The following TMEM123 variants were observed in gnomAD, a reference collection of about 807,000 sequenced individuals.
TMEM123 encodes the protein porimin.
In TMEM123, 16 loss-of-function variants were observed where a neutral mutation model predicts 19.7. The ratio of observed to expected loss-of-function variants is 0.81; its 90% CI spans 0.55 to 1.23. TMEM123 has a LOEUF of 1.23. TMEM123 is among the 50% of genes most tolerant of loss of function. TMEM123 has a pLI of 0.00. For missense variants in TMEM123, 313 were observed against 257.8 expected (o/e 1.21, Z -1.47); for synonymous variants, 118 against 99.4 (o/e 1.19, Z -1.12).
At chr11:102,416,896 G>A (rs544146492) in intron 2 of TMEM123, among the ~76,000 whole-genome samples, 8 of 151,926 alleles carry the variant, frequency 5.3e-5, no homozygotes, top group Admixed American at 2.6e-4. Context: ...AAAAAACCAC[G>A]ATCATCTCAG....
At chr11:102,401,489 G>C (rs1408299210) in intron 4 of TMEM123, 50 bp downstream of exon 4, 8 of 1,480,346 alleles carry the variant, frequency 5.4e-6, no homozygotes, top group Non-Finnish European at 6.3e-6. Flanking sequence ...CATAATTAAA[G>C]ATGTGCACCA....
intron 2 of TMEM123, among the ~76,000 whole-genome samples, chr11:102,434,458 A>G (rs528408304): frequency 6.6e-6 from 1 of 151,968 alleles, no homozygotes; most frequent in East Asian, 1.9e-4. Flanking sequence ...TTTTCTTTCT[A>G]TAGAGTTGAG....
chr11:102,452,498 G>T, intron 1 of TMEM123, 26 bp downstream of exon 1: 1 of 1,491,662 alleles, frequency 6.7e-7, no homozygotes, highest in Non-Finnish European at 8.9e-7. Context: ...CCACGAACGG[G>T]GCTGACGACC....
chr11:102,399,382 T>C (rs1951889927), intron 4 of TMEM123, among the ~76,000 whole-genome samples: 1 of 152,180 alleles, frequency 6.6e-6, no homozygotes. Context: ...GAGGCTGAGG[T>C]TGCAGTGACC....
chr11:102,403,607 A>G (rs898923896), intron 2 of TMEM123, among the ~76,000 whole-genome samples: 4 of 152,040 alleles, frequency 2.6e-5, no homozygotes, highest in South Asian at 2.1e-4. Flanking sequence ...TTGGTTTCCT[A>G]TGTTGCCTAC....
At position 102,402,018 on chromosome 11, in the gene TMEM123, G is replaced by A. The variant is rs1766436536; in HGVS notation, c.346C>T (p.Pro116Ser). The A allele has an allele frequency of 6.2e-7, 1 of 1,614,042 alleles. No individual in the cohort carries two copies. Among genetic ancestry groups the A allele is most frequent in the Admixed American group, 1.7e-5 (1 of 60,004 alleles). ...TTCTGTGAAACACTTGTTGTTTTGG[G>A]TGTAGACTTTAAGGTGGTAGAAGTC... is the stretch of plus-strand genomic sequence containing the variant. ...NMTSTTLKST[P>S]KTTSVSQNTS... The change falls in exon 3 of 5, where the codon CCC (proline) becomes TCC (serine). Residue 116 changes from proline to serine, a missense_variant. Physicochemically the swap from Pro to Ser is moderately conservative, Grantham distance 74 (BLOSUM62 -1). Coordinates refer to ENST00000398136, the MANE Select transcript of TMEM123 (RefSeq NM_052932.3).
chr11:102,413,607 G>A (rs1285474464), intron 2 of TMEM123, among the ~76,000 whole-genome samples: 1 of 152,194 alleles, frequency 6.6e-6, no homozygotes. Context: ...AGAGCACACA[G>A]CCCCGGAGTG....
chr11:102,438,171 GCCT>G (rs1238855707), intron 2 of TMEM123, among the ~76,000 whole-genome samples: 14 of 152,170 alleles, frequency 9.2e-5, no homozygotes, highest in Non-Finnish European at 2.1e-4. Flanking sequence ...TCCTGCCTCA[GCCT>G]CCTAAGTAGC....
At chr11:102,438,265 T>A (rs1280872077) in intron 2 of TMEM123, among the ~76,000 whole-genome samples, 1 of 152,058 alleles carries the variant, frequency 6.6e-6, no homozygotes, top group Non-Finnish European at 1.5e-5. Flanking sequence ...GTTGGCCAGG[T>A]GGTCTCGCAT....
In TMEM123 at chr11:102,452,716, CTTCCCCTTCGGCCGCGCACGT is replaced by C. The variant is rs1022692468; in HGVS notation, c.-114_-94del. 9.8e-6 allele frequency: 10 copies of C among 1,024,880 alleles called. No homozygotes were observed. The African/African-American group carries it at 1.5e-4, about 15-fold the overall frequency. The allele number at this position is 1,024,880 out of a possible 1,614,324, so 63.5% of individuals were successfully genotyped here. ...CTCTGCGCAGCCGGCGCCGGCTCCG[CTTCCCCTTCGGCCGCGCACGT>C]TTCCCCTCCCGCCGCTTGCCCCCCG... is the stretch of plus-strand genomic sequence containing the variant. On this transcript the variant is annotated 5_prime_UTR_variant, in exon 1 of 5. Transcript: ENST00000398136.
chr11:102,448,192 G>C (rs1857903104), intron 2 of TMEM123: 1 of 455,302 alleles, frequency 2.2e-6, no homozygotes, highest in South Asian at 1.6e-5. Flanking sequence ...TGAAGATTAA[G>C]GGCAGTGAGA....
intron 2 of TMEM123, among the ~76,000 whole-genome samples, chr11:102,440,529 T>G (rs888102164): frequency 3.9e-5 from 6 of 152,140 alleles, no homozygotes; most frequent in Admixed American, 3.9e-4. Context: ...CAGGCCTGCC[T>G]TATAAGAGCT....
intron 4 of TMEM123, 62 bp from the exon 5 acceptor site, chr11:102,398,953 T>C (rs956219916): frequency 7.0e-7 from 1 of 1,437,420 alleles, no homozygotes; most frequent in Non-Finnish European, 9.7e-7. Flanking sequence ...CTACTTATGT[T>C]CCTATTTGTT....
chr11:102,450,810 T>G (rs916490311), intron 1 of TMEM123, among the ~76,000 whole-genome samples: 2 of 152,230 alleles, frequency 1.3e-5, no homozygotes, highest in Non-Finnish European at 2.9e-5. Flanking sequence ...TAGCGTGGGA[T>G]GCACAGAATA....
intron 2 of TMEM123, among the ~76,000 whole-genome samples, chr11:102,410,434 C>T (rs910876707): frequency 5.9e-5 from 9 of 151,870 alleles, no homozygotes; most frequent in Admixed American, 3.9e-4. Flanking sequence ...GTCCAGGCTT[C>T]CTTACGCTTT....
rs559202189 is a variant in TMEM123, at chr11:102,396,638, G to GAAAT, written c.*2225_*2228dup. The GAAAT allele has an allele frequency of 2.6e-5, 4 of 152,146 alleles. 1 individual carries two copies. The East Asian group carries it at 7.7e-4, about 29-fold the overall frequency. The allele number at this position is 152,146 out of a possible 1,614,324, so 9.4% of individuals were successfully genotyped here. ...AACTGAGCATTTTTTTTATGCTTAAGAAATATGGTCCAAAGCAAAATATTT... is the reference window on the plus strand; with the variant it reads ...AACTGAGCATTTTTTTTATGCTTAAGAAATAAATATGGTCCAAAGCAAAATATTT... On this transcript the variant is annotated 3_prime_UTR_variant, in exon 5 of 5. Transcript: ENST00000398136.
intron 2 of TMEM123, among the ~76,000 whole-genome samples, chr11:102,421,508 T>C (rs1043737211): frequency 1.3e-4 from 19 of 150,904 alleles, no homozygotes; most frequent in Admixed American, 2.0e-4. Flanking sequence ...AACAAAGAGA[T>C]ATTCAGTCAG....
At chr11:102,448,260 A>C (rs1456397801) in intron 2 of TMEM123, 5 of 456,124 alleles carry the variant, frequency 1.1e-5, no homozygotes, top group Non-Finnish European at 2.2e-5. Flanking sequence ...ACTGATATTG[A>C]TGACATCAGC....
intron 2 of TMEM123, among the ~76,000 whole-genome samples, chr11:102,405,268 C>G (rs1023714819): frequency 6.6e-6 from 1 of 151,510 alleles, no homozygotes; most frequent in Non-Finnish European, 1.5e-5. Context: ...AGGATGGTCT[C>G]GATCTGATCT....
Sources: allele counts gnomAD v4.1 joint callset (sites outside exome capture counted in the v4.1 genomes callset), GRCh38; gene constraint gnomAD v4.1.1; transcripts MANE v1.5; gene names NCBI Gene and HGNC (gene_info 2026-07-23, HGNC 2026-07-21).